Variants in DOK5 observed in about 807,000 individuals in gnomAD.
DOK5 encodes the protein docking protein 5.
A neutral mutation model predicts 43.3 loss-of-function variants in DOK5; 27 were observed. The ratio of observed to expected loss-of-function variants is 0.62; its 90% CI spans 0.46 to 0.86. The LOEUF (loss-of-function observed/expected upper bound fraction) is 0.86, where lower values mean the gene tolerates loss of function less well. Ranked by LOEUF, DOK5 falls within the 40% of genes least tolerant of loss-of-function variation. DOK5 has a pLI of 0.00. For missense variants in DOK5, 373 were observed against 392.9 expected (o/e 0.95, Z 0.43); for synonymous variants, 146 against 140.1 (o/e 1.04, Z -0.30).
intron 6 of DOK5, among the ~76,000 whole-genome samples, chr20:54,615,062 T>C (rs1986763577): frequency 1.3e-5 from 2 of 152,226 alleles, no homozygotes; most frequent in Non-Finnish European, 2.9e-5. Context: ...TATCTGGCCA[T>C]AGCCTCACTA....
intron 5 of DOK5, among the ~76,000 whole-genome samples, chr20:54,594,099 A>C (rs1419363145): frequency 1.3e-5 from 2 of 152,328 alleles, no homozygotes; most frequent in East Asian, 3.9e-4. Context: ...CCACGACACA[A>C]ATTTACCTAT....
At chr20:54,607,403 G>GGTGTGTATGT (rs1555835723) in intron 5 of DOK5, among the ~76,000 whole-genome samples, 1 of 145,544 alleles carries the variant, frequency 6.9e-6, no homozygotes, top group African/African-American at 2.6e-5. Context: ...AGTGGTAAGT[G>GGTGTGTATGT]GTGTGTGTGT....
chr20:54,647,737 A>G (rs1042909656), intron 7 of DOK5, among the ~76,000 whole-genome samples: 1 of 152,210 alleles, frequency 6.6e-6, no homozygotes, highest in Non-Finnish European at 1.5e-5. Context: ...GAAATGCTAC[A>G]TGTTAAGTTC....
intron 2 of DOK5, among the ~76,000 whole-genome samples, chr20:54,581,496 T>C (rs1204323183): frequency 2.0e-5 from 3 of 151,940 alleles, no homozygotes; most frequent in Admixed American, 1.3e-4. Context: ...ATTTTAACAA[T>C]GTTAAGTCTT....
chr20:54,617,921 C>G (rs956032176), intron 6 of DOK5, among the ~76,000 whole-genome samples: 1 of 152,200 alleles, frequency 6.6e-6, no homozygotes, highest in African/African-American at 2.4e-5. Context: ...ATAGCAGATA[C>G]TTTACTTGCC....
chr20:54,611,883 T>G (rs935606395), intron 6 of DOK5, among the ~76,000 whole-genome samples: 4 of 152,188 alleles, frequency 2.6e-5, no homozygotes, highest in African/African-American at 9.6e-5. Context: ...ATGACGTCTA[T>G]AGGCAGCAAT....
chr20:54,478,890 C>G (rs1053780742), intron 1 of DOK5, among the ~76,000 whole-genome samples: 8 of 152,226 alleles, frequency 5.3e-5, no homozygotes, highest in African/African-American at 2.4e-5. Context: ...TTATCTATTT[C>G]CTTCTCTTTC....
chr20:54,561,231 A>G (rs866282964), intron 2 of DOK5, among the ~76,000 whole-genome samples: 3 of 152,134 alleles, frequency 2.0e-5, no homozygotes, highest in Non-Finnish European at 2.9e-5. Flanking sequence ...ACTGGTCACA[A>G]TGAAAGCAGG....
Position 54,483,149 on chromosome 20 carries a change from C to G in DOK5, c.66+7137C>G, listed in dbSNP as rs903862107. Among the ~76,000 whole-genome samples the G allele has an allele frequency of 3.1e-4, 47 of 152,302 alleles. No homozygotes were observed. The Middle Eastern group carries it at 0.02, about 66-fold the overall frequency. On this transcript the variant is annotated intron_variant, in intron 1 of 7. Coordinates refer to ENST00000262593, the MANE Select transcript of DOK5 (RefSeq NM_018431.5). Reference sequence around the variant, plus strand: ...AGCCTTTACATCATCATCCCCAAAACTGATTTAAGCAGAGTGGCCAATTTA... The same window carrying G: ...AGCCTTTACATCATCATCCCCAAAAGTGATTTAAGCAGAGTGGCCAATTTA...
chr20:54,637,990 C>T (rs972392900), intron 6 of DOK5, among the ~76,000 whole-genome samples: 28 of 152,032 alleles, frequency 1.8e-4, no homozygotes, highest in South Asian at 8.3e-4. Context: ...GGCGTGGTGG[C>T]GGGCACCTGT....
chr20:54,486,239 TGTC>T (rs985963853), intron 1 of DOK5, among the ~76,000 whole-genome samples: 3 of 152,136 alleles, frequency 2.0e-5, no homozygotes, highest in Non-Finnish European at 4.4e-5. Flanking sequence ...TTGAAAAGGT[TGTC>T]TTTTCTTCAT....
At chr20:54,496,868 T>A (rs1010597413) in intron 1 of DOK5, among the ~76,000 whole-genome samples, 1 of 151,692 alleles carries the variant, frequency 6.6e-6, no homozygotes, top group Non-Finnish European at 1.5e-5. Context: ...ACTTTACAGA[T>A]GGGGAAACTG....
At chr20:54,575,637 C>T (rs1985430300) in intron 2 of DOK5, among the ~76,000 whole-genome samples, 1 of 152,172 alleles carries the variant, frequency 6.6e-6, no homozygotes, top group Non-Finnish European at 1.5e-5. Flanking sequence ...GGTGGGGTTT[C>T]ACCATGTTGG....
At chr20:54,491,894 A>G (rs1268910767) in intron 1 of DOK5, among the ~76,000 whole-genome samples, 1 of 152,138 alleles carries the variant, frequency 6.6e-6, no homozygotes, top group Admixed American at 6.5e-5. Flanking sequence ...GAAAAAGCAG[A>G]GTTTAATTTC....
intron 1 of DOK5, among the ~76,000 whole-genome samples, chr20:54,516,734 C>A (rs890146366): frequency 4.6e-5 from 7 of 152,172 alleles, no homozygotes; most frequent in South Asian, 2.1e-4. Flanking sequence ...GACTCAACTA[C>A]TAAATAGGTA....
In DOK5 at chr20:54,501,337, G is replaced by T. The variant is rs574326837; in HGVS notation, c.66+25325G>T. On this transcript the variant is annotated intron_variant, in intron 1 of 7. Transcript: ENST00000262593. The stretch of plus-strand genomic sequence containing the variant: ...AAAAAATTAGCTGGGCGTGGTGGTG[G>T]GCGCCTGTAGACCCAGCTACTCAGG... 1.4e-4 allele frequency among the ~76,000 whole-genome samples: 21 copies of T among 151,766 alleles called. 1 individual carries two copies. The highest frequency in any genetic ancestry group is 5.1e-4 in the African/African-American group (21 of 41,400).
intron 1 of DOK5, among the ~76,000 whole-genome samples, chr20:54,514,013 T>C (rs1002958385): frequency 1.3e-5 from 2 of 152,218 alleles, no homozygotes; most frequent in Non-Finnish European, 2.9e-5. Flanking sequence ...ATTCAATAGC[T>C]GCACCCTACT....
intron 1 of DOK5, among the ~76,000 whole-genome samples, chr20:54,518,760 A>G (rs1983289874): frequency 1.3e-5 from 2 of 152,246 alleles, no homozygotes; most frequent in Admixed American, 6.5e-5. Context: ...CATCAGAGTG[A>G]AGAGGCAACC....
chr20:54,497,789 C>T (rs1055808151), intron 1 of DOK5, among the ~76,000 whole-genome samples: 1 of 151,846 alleles, frequency 6.6e-6, no homozygotes. Context: ...TGGTCATTTG[C>T]TTTTGTATTT....
Sources: allele counts gnomAD v4.1 joint callset (sites outside exome capture counted in the v4.1 genomes callset), GRCh38; gene constraint gnomAD v4.1.1; transcripts MANE v1.5; gene names NCBI Gene and HGNC (gene_info 2026-07-23, HGNC 2026-07-21).